CDS2: variants seen among roughly 807,000 people sequenced by gnomAD.
CDS2 encodes the protein CDP-diacylglycerol synthase 2.
In CDS2, 47 loss-of-function variants were observed where a neutral mutation model predicts 59.0. That is an observed-to-expected ratio of 0.80 (90% CI 0.63 to 1.02). The LOEUF is 1.02. Ranked by LOEUF, CDS2 falls within the 50% of genes least tolerant of loss-of-function variation. The pLI is 0.00. For synonymous variants in CDS2, 207 were observed against 206.4 expected (o/e 1.00, Z -0.02); for missense variants, 356 against 558.9 (o/e 0.64, Z 3.66).
intron 1 of CDS2, among the ~76,000 whole-genome samples, chr20:5,132,340 C>T (rs2090614242): frequency 6.6e-6 from 1 of 152,106 alleles, no homozygotes; most frequent in South Asian, 2.1e-4. Context: ...TCAGGTGATC[C>T]ACCCGCCTTG....
intron 1 of CDS2, among the ~76,000 whole-genome samples, chr20:5,154,370 G>C (rs1010525121): frequency 2.0e-5 from 3 of 152,136 alleles, no homozygotes; most frequent in African/African-American, 7.2e-5. Context: ...TGCCTCTCTG[G>C]GAGAGAGGCA....
chr20:5,156,503 A>G (rs1260471093), intron 1 of CDS2, among the ~76,000 whole-genome samples: 1 of 152,116 alleles, frequency 6.6e-6, no homozygotes, highest in East Asian at 1.9e-4. Context: ...GGGTCAGCTC[A>G]CTAAGGGGCA....
chr20:5,139,118 G>A (rs959457535), intron 1 of CDS2, among the ~76,000 whole-genome samples: 1 of 152,198 alleles, frequency 6.6e-6, no homozygotes, highest in Non-Finnish European at 1.5e-5. Flanking sequence ...AAGGTGGGTG[G>A]ATCACTTGAG....
intron 1 of CDS2, among the ~76,000 whole-genome samples, chr20:5,170,244 C>A (rs1398698218): frequency 5.1e-5 from 6 of 117,768 alleles, no homozygotes; most frequent in Non-Finnish European, 1.1e-4. Context: ...CTCCCCACCT[C>A]GCTGTGCCCA....
chr20:5,144,930 C>T (rs2090727459), intron 1 of CDS2, among the ~76,000 whole-genome samples: 1 of 152,114 alleles, frequency 6.6e-6, no homozygotes, highest in South Asian at 2.1e-4. Flanking sequence ...GTGAGTGGCT[C>T]AGAGTTCAGC....
intron 1 of CDS2, among the ~76,000 whole-genome samples, chr20:5,135,646 C>G (rs988378616): frequency 9.2e-5 from 14 of 152,092 alleles, no homozygotes; most frequent in Non-Finnish European, 1.8e-4. Context: ...CACGTATGGT[C>G]CCCACCGGGC....
intron 1 of CDS2, among the ~76,000 whole-genome samples, chr20:5,130,670 C>T (rs1322931264): frequency 1.3e-5 from 2 of 152,022 alleles, no homozygotes; most frequent in African/African-American, 4.8e-5. Context: ...GTAATCCCAG[C>T]TACTCAGGAG....
At chr20:5,137,010 A>G (rs1037662636) in intron 1 of CDS2, among the ~76,000 whole-genome samples, 1 of 151,856 alleles carries the variant, frequency 6.6e-6, no homozygotes, top group Admixed American at 6.6e-5. Context: ...CTCCCAGTTC[A>G]CTCTGCAAGT....
At chr20:5,180,868 A>G (rs2091028790) in intron 5 of CDS2, among the ~76,000 whole-genome samples, 1 of 152,138 alleles carries the variant, frequency 6.6e-6, no homozygotes, top group African/African-American at 2.4e-5. Context: ...GATTAGGGGC[A>G]ATGATATTCC....
chr20:5,171,643 A>C (rs1013577495), intron 1 of CDS2, among the ~76,000 whole-genome samples: 1 of 151,898 alleles, frequency 6.6e-6, no homozygotes, highest in African/African-American at 2.4e-5. Flanking sequence ...GAGAGGGACG[A>C]CTCTGGAGAC....
intron 1 of CDS2, among the ~76,000 whole-genome samples, chr20:5,171,687 C>G (rs2090957276): frequency 6.6e-6 from 1 of 152,182 alleles, no homozygotes; most frequent in Non-Finnish European, 1.5e-5. Flanking sequence ...GAGTGGTGTA[C>G]TGGGACACAG....
chr20:5,176,414 C>A, intron 3 of CDS2: 2 of 474,206 alleles, frequency 4.2e-6, no homozygotes, highest in Non-Finnish European at 3.8e-6. Context: ...TTAATTGAAA[C>A]ATCAGGGTGT....
At chr20:5,146,285 TAGGC>T (rs1471860253) in intron 1 of CDS2, among the ~76,000 whole-genome samples, 3 of 152,226 alleles carry the variant, frequency 2.0e-5, no homozygotes, top group African/African-American at 7.2e-5. Flanking sequence ...GGCATTAAGA[TAGGC>T]AGGTGCTGAC....
chr20:5,184,923 T>G lies in CDS2; in HGVS notation c.737T>G (p.Phe246Cys). The change falls in exon 8 of 13, where the codon TTT becomes TGT. Residue 246 changes from phenylalanine to cysteine, a missense_variant. By Grantham distance (205) the Phe-to-Cys change is radical. Around this residue, in one of 5 missense-constraint regions of CDS2, gnomAD observed 87 missense variants for 193.3 expected, o/e 0.45. Coordinates refer to ENST00000460006, the MANE Select transcript of CDS2 (RefSeq NM_003818.4). This position sits in a 1 kb window ranked among gnomAD's most constrained non-coding sequence, Gnocchi z 4.3. Reference protein sequence around the residue: ...DIMAYMFGFFFGRTPLIKLSP... With the variant: ...DIMAYMFGFFCGRTPLIKLSP... ...ATGGCCTATATGTTTGGCTTTTTCT[T>G]TGGTCGGACCCCACTCATCAAGGTA... is the stretch of plus-strand genomic sequence containing the variant. 6.2e-7 allele frequency: 1 copy of G among 1,613,576 alleles called. No individual in the cohort carries two copies. Among genetic ancestry groups the G allele is most frequent in the Non-Finnish European group, 8.5e-7 (1 of 1,179,540 alleles).
chr20:5,147,484 G>A (rs2090753042), intron 1 of CDS2, among the ~76,000 whole-genome samples: 1 of 152,222 alleles, frequency 6.6e-6, no homozygotes, highest in African/African-American at 2.4e-5. Flanking sequence ...GTCCTTTGGT[G>A]TGTGGTACAT....
chr20:5,159,917 T>A (rs190331979), intron 1 of CDS2, among the ~76,000 whole-genome samples: 55 of 152,340 alleles, frequency 3.6e-4, no homozygotes, highest in African/African-American at 1.3e-3. Context: ...GACACATTTT[T>A]AAAAATGAAG....
chr20:5,162,787 G>GAGC (rs1327378245), intron 1 of CDS2, among the ~76,000 whole-genome samples: 1 of 152,128 alleles, frequency 6.6e-6, no homozygotes, highest in African/African-American at 2.4e-5. Flanking sequence ...GACTGAGAAA[G>GAGC]AGCAGCCAGT....
chr20:5,153,197 T>TA (rs1368803396), intron 1 of CDS2, among the ~76,000 whole-genome samples: 1 of 152,222 alleles, frequency 6.6e-6, no homozygotes, highest in East Asian at 1.9e-4. Flanking sequence ...AAGCAGTACT[T>TA]ACTGTTTGTG....
At chr20:5,150,311 C>T (rs183388927) in intron 1 of CDS2, among the ~76,000 whole-genome samples, 2 of 152,254 alleles carry the variant, frequency 1.3e-5, no homozygotes, top group African/African-American at 2.4e-5. Context: ...CTTGTTTTAC[C>T]GGGATGAGCA....
Sources: allele counts gnomAD v4.1 joint callset (sites outside exome capture counted in the v4.1 genomes callset), GRCh38; gene constraint gnomAD v4.1.1; regional missense constraint gnomAD v4.1.1; non-coding constraint Gnocchi (gnomAD v3.1); transcripts MANE v1.5; gene names NCBI Gene and HGNC (gene_info 2026-07-23, HGNC 2026-07-21).